The following MAPKBP1 variants were observed in gnomAD, a reference collection of about 807,000 sequenced individuals.
MAPKBP1 encodes the protein mitogen-activated protein kinase binding protein 1, also known as mitogen-activated protein kinase-binding protein 1.
A neutral mutation model predicts 170.5 loss-of-function variants in MAPKBP1; 71 were observed. That is an observed-to-expected ratio of 0.42 (90% confidence interval 0.34 to 0.51). The LOEUF (loss-of-function observed/expected upper bound fraction) is 0.51. Among genes scored for constraint, MAPKBP1 ranks in the 20% least tolerant of loss-of-function variants. The probability of loss-of-function intolerance (pLI) is 0.06; values close to 1 mark genes in which losing one functional copy is unlikely to be tolerated. For synonymous variants in MAPKBP1, 719 were observed against 757.9 expected (o/e 0.95, Z 0.84); for missense variants, 1,598 against 1,933.0 (o/e 0.83, Z 3.25).
In MAPKBP1 at chr15:41,822,051, GTGCCTGCTCTGTGGAT is replaced by G; in HGVS notation, c.2974_2989del (p.Ala992ThrfsTer67). ...AGCTCAGAAAAGCACAGCCCTGACA[GTGCCTGCTCTGTGGAT>G]TACAGCAGCAGCTGCCTTTCCAGCC... On this transcript the variant is annotated frameshift_variant, in exon 25 of 31. Coordinates refer to ENST00000457542, the MANE Select transcript of MAPKBP1 (RefSeq NM_014994.3). LOFTEE classifies it high-confidence loss of function. 1 of 1,609,518 alleles carries G rather than the reference GTGCCTGCTCTGTGGAT, an allele frequency of 6.2e-7. No homozygotes were observed. The highest frequency in any genetic ancestry group is 8.5e-7 in the Non-Finnish European group (1 of 1,177,898).
At chr15:41,810,426 A>G (rs1215376552) in intron 3 of MAPKBP1, among the ~76,000 whole-genome samples, 1 of 152,002 alleles carries the variant, frequency 6.6e-6, no homozygotes, top group East Asian at 1.9e-4. Context: ...GCCAGGAGAA[A>G]GCAGTGGAGG....
Position 41,814,644 on chromosome 15 carries a change from G to A in MAPKBP1, c.1075G>A (p.Asp359Asn). 27 of 1,614,174 alleles carry A rather than the reference G, an allele frequency of 1.7e-5. No individual in the cohort carries two copies. The highest frequency in any genetic ancestry group is 2.2e-5 in the Non-Finnish European group (26 of 1,180,040). ...TNQWLSCVYN[D>N]HSIYVWDVRD... The stretch of plus-strand genomic sequence containing the variant: ...TCAGTGGCTGTCTTGTGTGTACAAC[G>A]ATCATAGCATTTATGTTTGGGATGT... Residue 359 changes from aspartate to asparagine, a missense_variant, in exon 10 of 31, where the codon GAT becomes AAT. This residue lies in a region of MAPKBP1 where 430 missense variants were observed against 617.2 expected (regional missense o/e 0.70). Transcript: ENST00000457542.
At chr15:41,799,951 G>T in intron 3 of MAPKBP1, 37 bp downstream of exon 3, 2 of 1,566,856 alleles carry the variant, frequency 1.3e-6, no homozygotes, top group Middle Eastern at 1.7e-4. Flanking sequence ...TGATGCATGG[G>T]AATTTATAGC....
rs761535097 is a variant in MAPKBP1 at position 41,820,899 on chromosome 15, G to T, written c.2549G>T (p.Arg850Leu). ...AANPGPRRRGRWVQPGVELSV... is the reference protein window; with the variant it reads ...AANPGPRRRGLWVQPGVELSV... Reference sequence around the variant, plus strand: ...AACCCAGGACCCAGAAGAAGAGGGCGCTGGGTTCAGCCAGGTGTGGAACTG... The same window carrying T: ...AACCCAGGACCCAGAAGAAGAGGGCTCTGGGTTCAGCCAGGTGTGGAACTG... The change falls in exon 23 of 31, where the codon CGC becomes CTC. Residue 850 changes from arginine to leucine, a missense_variant. Coordinates refer to ENST00000457542, the MANE Select transcript of MAPKBP1 (RefSeq NM_014994.3). The T allele has an allele frequency of 6.2e-7, 1 of 1,614,156 alleles. No homozygotes were observed. The highest frequency in any genetic ancestry group is 1.7e-5 in the Admixed American group (1 of 60,004).
chr15:41,821,871 C>G, intron 24 of MAPKBP1, 94 bp from the exon 25 acceptor site: 2 of 1,568,634 alleles, frequency 1.3e-6, no homozygotes, highest in Non-Finnish European at 1.7e-6. Flanking sequence ...TCACCACTGC[C>G]TCATCCCTCA....
intron 10 of MAPKBP1, 116 bp downstream of exon 10, chr15:41,814,855 T>C (rs1273967532): frequency 1.6e-6 from 2 of 1,268,480 alleles, no homozygotes; most frequent in Non-Finnish European, 2.2e-6. Context: ...TCCCTGTTTC[T>C]CCAGTGACTT....
rs183265744 is a variant in MAPKBP1, at chr15:41,801,213, T to C, written c.206+1299T>C. On this transcript the variant is annotated intron_variant, in intron 3 of 30. Coordinates refer to ENST00000457542, the MANE Select transcript of MAPKBP1 (RefSeq NM_014994.3). ...TGAATATTCGCCTGTTCTAGTCACT[T>C]TGAGAGAGATCAGTGCCATAGAAGA... is the stretch of plus-strand genomic sequence containing the variant. 2.1e-3 allele frequency among the ~76,000 whole-genome samples: 322 copies of C among 152,352 alleles called. 3 individuals are homozygous for C. The highest frequency in any genetic ancestry group is 5.1e-4 in the Non-Finnish European group (35 of 68,032).
At chr15:41,796,611 C>A (rs958733067) in intron 2 of MAPKBP1, among the ~76,000 whole-genome samples, 17 of 152,176 alleles carry the variant, frequency 1.1e-4, no homozygotes, top group Admixed American at 2.6e-4. Flanking sequence ...CTTTTCCCCC[C>A]CCTTGGATAG....
chr15:41,819,032 G>C, intron 20 of MAPKBP1, 75 bp downstream of exon 20: 1 of 1,587,018 alleles, frequency 6.3e-7, no homozygotes, highest in Non-Finnish European at 8.6e-7. Context: ...CTTCCTCCAT[G>C]CTTTGGGCCT....
intron 2 of MAPKBP1, among the ~76,000 whole-genome samples, chr15:41,788,646 C>T (rs760520821): frequency 2.0e-5 from 3 of 152,162 alleles, no homozygotes; most frequent in Non-Finnish European, 4.4e-5. Flanking sequence ...TATAAAGCCC[C>T]AAGGCTTCTT....
chr15:41,780,873 A>ATCCT (rs753940005), intron 2 of MAPKBP1, among the ~76,000 whole-genome samples: 3 of 151,932 alleles, frequency 2.0e-5, no homozygotes, highest in African/African-American at 7.3e-5. Flanking sequence ...GATTTTCCAA[A>ATCCT]TCCTTCCTTC....
In MAPKBP1 at chr15:41,814,468, A is replaced by C. The variant is rs2064856496; in HGVS notation, c.981-82A>C. The C allele has an allele frequency of 4.3e-6, 6 of 1,403,226 alleles. No homozygotes were observed. In the South Asian group the frequency reaches 8.1e-5, roughly 19 times the overall value. The allele number at this position is 1,403,226 out of a possible 1,614,324, so 86.9% of individuals were successfully genotyped here. ...CCTGCAGGTCCAGGGAGGGCTCCTC[A>C]CACACTGCTCCTTCCATTGTGGATT... On this transcript the variant is annotated intron_variant, in intron 9 of 30. Transcript: ENST00000457542.
chr15:41,822,073 C>G lies in MAPKBP1; in HGVS notation c.2994C>G (p.Ser998Arg), dbSNP rs765308843. 3.1e-6 allele frequency: 5 copies of G among 1,608,600 alleles called. No individual in the cohort carries two copies. Among genetic ancestry groups the G allele is most frequent in the Admixed American group, 3.4e-5 (2 of 59,544 alleles). Residue 998 changes from serine to arginine, a missense_variant, in exon 25 of 31, where the codon AGC becomes AGG. Ser to Arg is a moderately radical substitution (Grantham distance 110, BLOSUM62 -1). This residue lies in a region of MAPKBP1 where 942 missense variants were observed against 953.2 expected (regional missense o/e 0.99). Transcript: ENST00000457542. ...ACAGTGCCTGCTCTGTGGATTACAG[C>G]AGCAGCTGCCTTTCCAGCCCGGAGC... Reference protein sequence around the residue: ...SPDSACSVDYSSSCLSSPEHP... With the variant: ...SPDSACSVDYRSSCLSSPEHP...
At chr15:41,811,827 C>A in intron 5 of MAPKBP1, 130 bp from the exon 6 acceptor site, 1 of 886,776 alleles carries the variant, frequency 1.1e-6, no homozygotes, top group Non-Finnish European at 1.8e-6. Flanking sequence ...ATACCCTGCC[C>A]TGACTTTTGG....
At position 41,786,777 on chromosome 15, in the gene MAPKBP1, A is replaced by AATAT. The variant is rs1180590172; in HGVS notation, c.114+11412_114+11415dup. The stretch of plus-strand genomic sequence containing the variant: ...CAGACTCCGTCTAAAAAAAAAAAAA[A>AATAT]ATATATATATATATATATATATATA... On this transcript the variant is annotated intron_variant, in intron 2 of 30. Transcript: ENST00000457542. Among the ~76,000 whole-genome samples the AATAT allele has an allele frequency of 2.7e-3, 89 of 32,382 alleles. 4 individuals are homozygous for AATAT. Among genetic ancestry groups the AATAT allele is most frequent in the East Asian group, 0.015 (19 of 1,260 alleles). The allele number at this position is 32,382 out of a possible 152,430, so 21.2% of individuals were successfully genotyped here. A position where few individuals can be genotyped will look rare whatever the true frequency, so the allele number is the denominator to read the frequency against.
At chr15:41,781,023 C>A (rs1308624440) in intron 2 of MAPKBP1, among the ~76,000 whole-genome samples, 1 of 151,774 alleles carries the variant, frequency 6.6e-6, no homozygotes, top group Admixed American at 6.6e-5. Context: ...GAGTAAATTC[C>A]CCCCTCTCAT....
intron 2 of MAPKBP1, among the ~76,000 whole-genome samples, chr15:41,787,112 C>G (rs1031571595): frequency 5.9e-5 from 9 of 151,696 alleles, no homozygotes; most frequent in Non-Finnish European, 1.2e-4. Context: ...GTTGGGATTA[C>G]AGGTGTGAGC....
At position 41,817,688 on chromosome 15, in the gene MAPKBP1, G is replaced by A. The variant is rs1331620964; in HGVS notation, c.1857G>A (p.Glu619=). ...RKTTLYDMDV[E]PSWKYTAIGC... is the part of the protein sequence containing the mutation. ...CGACCCTCTATGACATGGATGTGGAGCCCAGCTGGAAGTACACGGCTATCG... is the reference window on the plus strand; with the variant it reads ...CGACCCTCTATGACATGGATGTGGAACCCAGCTGGAAGTACACGGCTATCG... Residue 619 remains glutamate, a synonymous_variant, in exon 16 of 31, where the codon GAG becomes GAA. Coordinates refer to ENST00000457542, the MANE Select transcript of MAPKBP1 (RefSeq NM_014994.3). This position sits in a 1 kb window ranked among gnomAD's most constrained non-coding sequence, Gnocchi z 4.2. 6.2e-7 allele frequency: 1 copy of A among 1,614,184 alleles called. No homozygotes were observed. The highest frequency in any genetic ancestry group is 8.5e-7 in the Non-Finnish European group (1 of 1,180,006).
intron 13 of MAPKBP1, 67 bp downstream of exon 13, chr15:41,816,717 G>A (rs964630269): frequency 7.9e-6 from 12 of 1,511,250 alleles, no homozygotes; most frequent in African/African-American, 5.5e-5. Context: ...TATCTGTCCC[G>A]GCTCTTGGAC....
Sources: allele counts gnomAD v4.1 joint callset (sites outside exome capture counted in the v4.1 genomes callset), GRCh38; gene constraint gnomAD v4.1.1; regional missense constraint gnomAD v4.1.1; non-coding constraint Gnocchi (gnomAD v3.1); transcripts MANE v1.5; gene names NCBI Gene and HGNC (gene_info 2026-07-23, HGNC 2026-07-21).